The following CHRM3 variants were observed in gnomAD, a reference collection of about 807,000 sequenced individuals.
The protein encoded by CHRM3 is muscarinic acetylcholine receptor M3.
Under a neutral mutation model 41.8 loss-of-function variants are expected in CHRM3, and 11 were observed. The ratio of observed to expected loss-of-function variants is 0.26; its 90% CI spans 0.17 to 0.44. The LOEUF (loss-of-function observed/expected upper bound fraction) is 0.44. Ranked by LOEUF, CHRM3 falls within the 20% of genes least tolerant of loss-of-function variation. CHRM3 has a pLI of 1.00. For synonymous variants in CHRM3, 297 were observed against 301.4 expected, an observed-to-expected ratio of 0.99 and a Z score of 0.15; for missense variants, 571 against 745.4, an observed-to-expected ratio of 0.77 and a Z score of 2.72.
intron 5 of CHRM3, among the ~76,000 whole-genome samples, chr1:239,795,344 A>G (rs1466092485): frequency 6.6e-6 from 1 of 152,188 alleles, no homozygotes; most frequent in African/African-American, 2.4e-5. Flanking sequence ...AAGATCTTCC[A>G]AGAAAATGTA....
intron 4 of CHRM3, among the ~76,000 whole-genome samples, chr1:239,660,791 C>T (rs1004547867): frequency 6.6e-6 from 1 of 152,116 alleles, no homozygotes; most frequent in African/African-American, 2.4e-5. Flanking sequence ...GGCTGAGGTA[C>T]AATTGCTTGA....
chr1:239,830,677 C>T (rs1672825731), intron 6 of CHRM3, among the ~76,000 whole-genome samples: 2 of 152,194 alleles, frequency 1.3e-5, no homozygotes, highest in African/African-American at 2.4e-5. Flanking sequence ...GCACTCCAGC[C>T]TGGGCAATAG....
At chr1:239,585,295 G>A (rs563281567) in intron 3 of CHRM3, among the ~76,000 whole-genome samples, 1 of 152,134 alleles carries the variant, frequency 6.6e-6, no homozygotes, top group South Asian at 2.1e-4. Context: ...TGCCTTCATG[G>A]GAGTCACCCA....
intron 2 of CHRM3, among the ~76,000 whole-genome samples, chr1:239,505,032 A>G (rs1668476078): frequency 6.6e-6 from 1 of 152,280 alleles, no homozygotes; most frequent in East Asian, 1.9e-4. Context: ...CATGTAACCA[A>G]ATACCACCTG....
At chr1:239,653,276 C>T (rs1672405527) in intron 4 of CHRM3, among the ~76,000 whole-genome samples, 1 of 152,080 alleles carries the variant, frequency 6.6e-6, no homozygotes, top group Admixed American at 6.6e-5. Context: ...GCAGGCAGTC[C>T]AGGGTGAGCA....
chr1:239,826,510 G>T (rs1251517067), intron 5 of CHRM3, among the ~76,000 whole-genome samples: 1 of 152,202 alleles, frequency 6.6e-6, no homozygotes, highest in Non-Finnish European at 1.5e-5. Context: ...ACCAAGGTCA[G>T]TGTAGCCTAG....
intron 6 of CHRM3, among the ~76,000 whole-genome samples, chr1:239,880,107 A>T (rs1677462703): frequency 6.6e-6 from 1 of 152,220 alleles, no homozygotes; most frequent in African/African-American, 2.4e-5. Flanking sequence ...GGGTTGAGGG[A>T]CATTCATGGG....
chr1:239,791,823 T>C (rs192434646), intron 5 of CHRM3, among the ~76,000 whole-genome samples: 3 of 152,276 alleles, frequency 2.0e-5, no homozygotes, highest in Admixed American at 1.3e-4. Flanking sequence ...TGAAAGTCTA[T>C]GGATTCAGCT....
intron 5 of CHRM3, among the ~76,000 whole-genome samples, chr1:239,774,583 A>T (rs1667950783): frequency 6.6e-6 from 1 of 152,194 alleles, no homozygotes; most frequent in Non-Finnish European, 1.5e-5. Flanking sequence ...ATCAACAATG[A>T]CACACATTTC....
At chr1:239,442,489 G>A (rs551057298) in intron 1 of CHRM3, among the ~76,000 whole-genome samples, 10 of 152,054 alleles carry the variant, frequency 6.6e-5, no homozygotes, top group African/African-American at 2.4e-4. Context: ...AATTTTCAGG[G>A]TGAAAGATGT....
chr1:239,693,237 T>A (rs979346538), intron 5 of CHRM3, among the ~76,000 whole-genome samples: 3 of 152,172 alleles, frequency 2.0e-5, no homozygotes, highest in Admixed American at 2.0e-4. Flanking sequence ...CTTCAGAGTA[T>A]CATGGTCTGA....
chr1:239,909,318 A>ACT lies in CHRM3; in HGVS notation c.*94_*95insCT. 7.5e-7 allele frequency: 1 copy of ACT among 1,339,922 alleles called. No individual in the cohort carries two copies. Among genetic ancestry groups the ACT allele is most frequent in the South Asian group, 1.5e-5 (1 of 68,178 alleles). The allele number at this position is 1,339,922 out of a possible 1,614,324, so 83.0% of individuals were successfully genotyped here. ...GAGGGCGGGGTGACTTCTGGTGATG[A>ACT]TAAAAATGGTTTTATCACCCAGATG... On this transcript the variant is annotated 3_prime_UTR_variant, in exon 7 of 7. Transcript: ENST00000676153.
At chr1:239,666,025 A>G (rs902296085) in intron 4 of CHRM3, among the ~76,000 whole-genome samples, 1 of 152,152 alleles carries the variant, frequency 6.6e-6, no homozygotes, top group Non-Finnish European at 1.5e-5. Flanking sequence ...TCCTTTGGGT[A>G]TATAACCCAG....
chr1:239,717,858 C>T (rs1487741510), intron 5 of CHRM3, among the ~76,000 whole-genome samples: 1 of 151,980 alleles, frequency 6.6e-6, no homozygotes, highest in Non-Finnish European at 1.5e-5. Flanking sequence ...GTGTTTGACT[C>T]CAGCAGTTTA....
Position 239,428,200 on chromosome 1 carries a change from A to T in CHRM3, c.-521+40973A>T, listed in dbSNP as rs140489664. On this transcript the variant is annotated intron_variant, in intron 1 of 6. Transcript: ENST00000676153. The stretch of plus-strand genomic sequence containing the variant: ...TTATCCAAGGAAGGGAGGCAGTGAC[A>T]ATGGTTAAAGAAGTAGCCTGCTCCT... Among the ~76,000 whole-genome samples, 1,011 of 152,326 alleles carry T rather than the reference A, an allele frequency of 6.6e-3. 13 individuals carry two copies. Among genetic ancestry groups the T allele is most frequent in the African/African-American group, 0.023 (942 of 41,572 alleles).
intron 1 of CHRM3, among the ~76,000 whole-genome samples, chr1:239,398,630 T>C (rs1260440039): frequency 6.6e-6 from 1 of 152,224 alleles, no homozygotes; most frequent in Non-Finnish European, 1.5e-5. Flanking sequence ...GGATTGTGTG[T>C]TTCCTGTAGA....
intron 1 of CHRM3, among the ~76,000 whole-genome samples, chr1:239,403,252 G>A (rs1193394036): frequency 1.3e-5 from 2 of 152,172 alleles, no homozygotes; most frequent in African/African-American, 4.8e-5. Flanking sequence ...TTAGGTACCT[G>A]TGCAGGCAGA....
At chr1:239,756,181 T>G (rs561287920) in intron 5 of CHRM3, among the ~76,000 whole-genome samples, 1 of 152,318 alleles carries the variant, frequency 6.6e-6, no homozygotes. Flanking sequence ...TTCACTTGAT[T>G]TTCTCATGTG....
Position 239,615,546 on chromosome 1 carries a change from C to T in CHRM3, c.-312-16678C>T, listed in dbSNP as rs566844665. ...TGCATTCATTGTTCAACCGTAAACACAAGCAATAAACAACTATACAACTTT... is the reference window on the plus strand; with the variant it reads ...TGCATTCATTGTTCAACCGTAAACATAAGCAATAAACAACTATACAACTTT... On this transcript the variant is annotated intron_variant, in intron 3 of 6. Coordinates refer to ENST00000676153, the MANE Select transcript of CHRM3 (RefSeq NM_001375978.1). Among the ~76,000 whole-genome samples, 12 of 152,220 alleles carry T rather than the reference C, an allele frequency of 7.9e-5. No homozygotes were observed. In the South Asian group the frequency reaches 2.1e-3, roughly 26 times the overall value.
Sources: allele counts gnomAD v4.1 joint callset (sites outside exome capture counted in the v4.1 genomes callset), GRCh38; gene constraint gnomAD v4.1.1; transcripts MANE v1.5; gene names NCBI Gene and HGNC (gene_info 2026-07-23, HGNC 2026-07-21).